ZDHHC14: variants seen among roughly 807,000 people sequenced by gnomAD.
ZDHHC14 encodes palmitoyltransferase ZDHHC14.
In ZDHHC14, 16 loss-of-function variants were observed where a neutral mutation model predicts 47.7. The ratio of observed to expected loss-of-function variants is 0.34; its 90% CI spans 0.23 to 0.51. ZDHHC14 has a LOEUF of 0.51. ZDHHC14 is among the 20% of genes least tolerant of loss of function. The pLI, the probability that ZDHHC14 is intolerant of heterozygous loss-of-function variation, is 0.97. For synonymous variants in ZDHHC14, 293 were observed against 278.9 expected (o/e 1.05, Z -0.50); for missense variants, 515 against 662.5 (o/e 0.78, Z 2.44).
intron 5 of ZDHHC14, 56 bp from the exon 6 acceptor site, chr6:157,645,681 C>T: frequency 2.1e-6 from 3 of 1,449,546 alleles, no homozygotes; most frequent in Admixed American, 1.8e-5. Flanking sequence ...AGGCCTCCAT[C>T]ACATCCACTT....
intron 2 of ZDHHC14, among the ~76,000 whole-genome samples, chr6:157,569,810 C>T (rs1783033006): frequency 6.6e-6 from 1 of 151,440 alleles, no homozygotes. Flanking sequence ...AGCTTTATTT[C>T]TAGAGTTTTG....
chr6:157,629,854 T>C (rs1785599347), intron 4 of ZDHHC14: 1 of 152,116 alleles, frequency 6.6e-6, no homozygotes, highest in Non-Finnish European at 1.5e-5. Flanking sequence ...TGTGCATTAA[T>C]AGACAAAAGA....
At chr6:157,485,220 T>C (rs991502620) in intron 1 of ZDHHC14, among the ~76,000 whole-genome samples, 7 of 152,190 alleles carry the variant, frequency 4.6e-5, no homozygotes, top group Non-Finnish European at 1.0e-4. Flanking sequence ...TACAACAGCA[T>C]TGGGAGGTTT....
chr6:157,386,255 C>T (rs1006763775), intron 1 of ZDHHC14, among the ~76,000 whole-genome samples: 11 of 152,114 alleles, frequency 7.2e-5, no homozygotes, highest in African/African-American at 2.4e-4. Flanking sequence ...GCCTTTAATC[C>T]TAGCACTTTG....
chr6:157,574,215 G>A (rs975672545), intron 2 of ZDHHC14, among the ~76,000 whole-genome samples: 1 of 151,662 alleles, frequency 6.6e-6, no homozygotes, highest in Non-Finnish European at 1.5e-5. Flanking sequence ...TTGAGGTCAG[G>A]AGTTTGAGAC....
chr6:157,649,344 G>A (rs1287248538), intron 7 of ZDHHC14, among the ~76,000 whole-genome samples: 1 of 152,222 alleles, frequency 6.6e-6, no homozygotes, highest in African/African-American at 2.4e-5. Context: ...TTGTTAAAGT[G>A]GGGCCGTAGC....
chr6:157,651,577 T>C (rs1045654478), intron 7 of ZDHHC14, among the ~76,000 whole-genome samples: 2 of 35,328 alleles, frequency 5.7e-5, no homozygotes, highest in African/African-American at 2.0e-4. Context: ...AGACCTCCTT[T>C]TTTTTTTTTG....
chr6:157,426,446 T>C (rs1778221896), intron 1 of ZDHHC14, among the ~76,000 whole-genome samples: 1 of 152,216 alleles, frequency 6.6e-6, no homozygotes, highest in Non-Finnish European at 1.5e-5. Flanking sequence ...ATTAGGGTCT[T>C]AGGATCGAGG....
At chr6:157,431,734 T>C (rs1778342650) in intron 1 of ZDHHC14, among the ~76,000 whole-genome samples, 1 of 77,258 alleles carries the variant, frequency 1.3e-5, no homozygotes, top group Non-Finnish European at 2.8e-5. Flanking sequence ...TTAATATAAT[T>C]TTTTTTTTTT....
chr6:157,647,756 G>A (rs767681339), intron 7 of ZDHHC14, among the ~76,000 whole-genome samples: 9 of 152,194 alleles, frequency 5.9e-5, no homozygotes, highest in Non-Finnish European at 7.3e-5. Flanking sequence ...AACCAGTTTC[G>A]AAAGTTGATT....
At chr6:157,567,462 A>G (rs929693717) in intron 2 of ZDHHC14, among the ~76,000 whole-genome samples, 20 of 152,154 alleles carry the variant, frequency 1.3e-4, no homozygotes, top group African/African-American at 4.8e-4. Context: ...TGCTCAGGTT[A>G]TGTGACCTTC....
intron 1 of ZDHHC14, among the ~76,000 whole-genome samples, chr6:157,506,905 A>AT (rs35666684): frequency 0.087 from 13,137 of 150,910 alleles, 1,364 homozygotes; most frequent in African/African-American, 0.23. Context: ...AAGTAGAGTC[A>AT]TTTTTTTTTT....
chr6:157,442,170 T>A (rs1778572832), intron 1 of ZDHHC14, among the ~76,000 whole-genome samples: 1 of 152,070 alleles, frequency 6.6e-6, no homozygotes, highest in Non-Finnish European at 1.5e-5. Context: ...GTGGGGAGGA[T>A]CCCTGGAACC....
At chr6:157,578,722 G>A (rs1367917683) in intron 2 of ZDHHC14, among the ~76,000 whole-genome samples, 1 of 152,166 alleles carries the variant, frequency 6.6e-6, no homozygotes, top group Non-Finnish European at 1.5e-5. Context: ...GGTTTTATAA[G>A]TGGCTGGCAT....
At chr6:157,476,663 A>G (rs1194526373) in intron 1 of ZDHHC14, among the ~76,000 whole-genome samples, 1 of 152,258 alleles carries the variant, frequency 6.6e-6, no homozygotes, top group Non-Finnish European at 1.5e-5. Context: ...TCAACAAAAT[A>G]TTAGCAAACT....
chr6:157,572,080 A>G (rs1449582674), intron 2 of ZDHHC14, among the ~76,000 whole-genome samples: 1 of 152,112 alleles, frequency 6.6e-6, no homozygotes, highest in African/African-American at 2.4e-5. Flanking sequence ...TGGTGATGCC[A>G]ATACTGCCAG....
At chr6:157,533,169 T>C (rs1055882478) in intron 1 of ZDHHC14, among the ~76,000 whole-genome samples, 2 of 152,168 alleles carry the variant, frequency 1.3e-5, no homozygotes, top group African/African-American at 4.8e-5. Flanking sequence ...TAACAAATAG[T>C]TATTGTAAGG....
At chr6:157,499,662 G>A (rs1780150778) in intron 1 of ZDHHC14, among the ~76,000 whole-genome samples, 1 of 152,226 alleles carries the variant, frequency 6.6e-6, no homozygotes. Context: ...ATGCTCCTGG[G>A]ATGACAGCAA....
intron 1 of ZDHHC14, among the ~76,000 whole-genome samples, chr6:157,483,356 G>A (rs942516132): frequency 1.3e-5 from 2 of 152,124 alleles, no homozygotes; most frequent in Non-Finnish European, 2.9e-5. Context: ...CTTACAAAAC[G>A]GCAGCGTTGA....
Sources: gnomAD v4.1 joint callset for allele counts (sites outside exome capture counted in the v4.1 genomes callset) on GRCh38, gnomAD v4.1.1 for gene constraint, MANE v1.5 for transcripts, NCBI Gene and HGNC (gene_info 2026-07-23, HGNC 2026-07-21) for gene names.